The following GRAMD2B variants were observed in gnomAD, a reference collection of about 807,000 sequenced individuals.
GRAMD2B encodes GRAM domain containing 2B, also known as GRAM domain-containing protein 2B.
GRAMD2B carries 41 observed loss-of-function variants against 59.2 expected under a neutral mutation model. The observed-to-expected ratio is 0.69, with a 90% CI of 0.54 to 0.90. The LOEUF is 0.90. Among genes scored for constraint, GRAMD2B ranks in the 40% least tolerant of loss-of-function variants. The pLI, the probability that GRAMD2B is intolerant of heterozygous loss-of-function variation, is 0.00. For synonymous variants in GRAMD2B, 161 were observed against 182.7 expected, an observed-to-expected ratio of 0.88 and a Z score of 0.96; for missense variants, 424 against 500.5, an observed-to-expected ratio of 0.85 and a Z score of 1.46.
chr5:126,467,700 A>G (rs900551433), intron 2 of GRAMD2B: 2 of 152,230 alleles, frequency 1.3e-5, no homozygotes, highest in Non-Finnish European at 2.9e-5. Context: ...ATAGAGAACA[A>G]ATGTTTTTTC....
At chr5:126,487,266 A>G (rs1266897028) in intron 12 of GRAMD2B, among the ~76,000 whole-genome samples, 1 of 152,180 alleles carries the variant, frequency 6.6e-6, no homozygotes, top group Non-Finnish European at 1.5e-5. Context: ...ACCTTGCCCC[A>G]TTTATTAAAC....
chr5:126,480,679 G>T lies in GRAMD2B; in HGVS notation c.707G>T (p.Arg236Leu). 6.2e-7 allele frequency: 1 copy of T among 1,614,044 alleles called. No homozygotes were observed. ...PNPSSAENSF[R>L]ADRPSSLPLD... ...CCATCTTCTGCTGAAAACAGTTTCC[G>T]AGCAGACCGCCCTTCATCTCTGCCT... is the stretch of plus-strand genomic sequence containing the variant. Residue 236 changes from arginine to leucine, a missense_variant, in exon 8 of 14, where the codon CGA (arginine) becomes CTA (leucine). Arg to Leu is a moderately radical substitution (Grantham distance 102). Transcript: ENST00000285689.
chr5:126,464,605 T>C lies in GRAMD2B; in HGVS notation c.84-821T>C, dbSNP rs1006812237. 1.3e-5 allele frequency among the ~76,000 whole-genome samples: 2 copies of C among 152,286 alleles called. 1 individual carries two copies. The highest frequency in any genetic ancestry group is 1.3e-4 in the Admixed American group (2 of 15,294). On this transcript the variant is annotated intron_variant, in intron 1 of 13. Transcript: ENST00000285689. The stretch of plus-strand genomic sequence containing the variant: ...CTCTACTCCCTTCCACCTTCTCTTT[T>C]ACCAAGGTCAGACCTAGTTTTTCCA...
intron 1 of GRAMD2B, among the ~76,000 whole-genome samples, chr5:126,443,603 C>T (rs1408628257): frequency 6.6e-6 from 1 of 152,212 alleles, no homozygotes; most frequent in Non-Finnish European, 1.5e-5. Flanking sequence ...CTGCTCTCCC[C>T]ACAGAGATGT....
rs1393008573 is a variant in GRAMD2B at position 126,488,880 on chromosome 5, G to A, written c.1245G>A (p.Val415=). The A allele has an allele frequency of 4.3e-6, 7 of 1,612,866 alleles. No homozygotes were observed. The highest frequency in any genetic ancestry group is 1.1e-5 in the South Asian group (1 of 91,038). ...VLCQELTANI[V]KLEKIQNNLQ... ...GTCAAGAGCTTACAGCTAACATAGT[G>A]AAATTAGAAAAGGTGACCTATTTCT... Residue 415 remains valine (V), a synonymous_variant, in exon 13 of 14, where the codon GTG becomes GTA. Coordinates refer to ENST00000285689, the MANE Select transcript of GRAMD2B (RefSeq NM_023927.4).
chr5:126,472,209 G>A, intron 3 of GRAMD2B, 29 bp from the exon 4 acceptor site: 4 of 1,555,910 alleles, frequency 2.6e-6, no homozygotes, highest in Non-Finnish European at 3.5e-6. Flanking sequence ...AGTGAGAATG[G>A]TGATGCTTGT....
At chr5:126,374,196 C>A (rs1261200697) in intron 1 of GRAMD2B, among the ~76,000 whole-genome samples, 3 of 152,176 alleles carry the variant, frequency 2.0e-5, no homozygotes, top group Non-Finnish European at 4.4e-5. Flanking sequence ...ATTTGCGCTA[C>A]CACCAGCAGT....
chr5:126,445,824 G>C (rs1359664019), intron 1 of GRAMD2B, among the ~76,000 whole-genome samples: 6 of 152,182 alleles, frequency 3.9e-5, no homozygotes, highest in Admixed American at 3.9e-4. Flanking sequence ...CTTCAAGAGA[G>C]CCGAATCTGA....
At chr5:126,453,002 G>A (rs1029311695) in intron 1 of GRAMD2B, among the ~76,000 whole-genome samples, 1 of 152,106 alleles carries the variant, frequency 6.6e-6, no homozygotes, top group African/African-American at 2.4e-5. Context: ...TAATCAAATA[G>A]ATATCCTCTA....
chr5:126,400,373 TTAA>T (rs1368069563), intron 1 of GRAMD2B, among the ~76,000 whole-genome samples: 4 of 152,148 alleles, frequency 2.6e-5, no homozygotes, highest in Non-Finnish European at 4.4e-5. Context: ...GTTTATGTTA[TTAA>T]TGTCACAATT....
Position 126,472,233 on chromosome 5 carries a change from T to C in GRAMD2B, c.316-5T>C. The C allele has an allele frequency of 6.2e-7, 1 of 1,609,698 alleles. No individual in the cohort carries two copies. Among genetic ancestry groups the C allele is most frequent in the African/African-American group, 1.3e-5 (1 of 74,948 alleles). ...GGTGATGCTTGTATTTTGTTCTCAT[T>C]GTAGTACAAGGCCAATATGCACTTT... On this transcript the variant is annotated splice_region_variant and splice_polypyrimidine_tract_variant and intron_variant, in intron 3 of 13. Transcript: ENST00000285689.
chr5:126,482,584 G>A (rs1236057147), intron 8 of GRAMD2B, among the ~76,000 whole-genome samples: 18 of 152,214 alleles, frequency 1.2e-4, no homozygotes, highest in African/African-American at 4.3e-4. Context: ...CATACTGCCT[G>A]ATATGAGATA....
rs536971315 is a variant in GRAMD2B, at chr5:126,380,295, T to C, written c.125+8728T>C. Among the ~76,000 whole-genome samples the C allele has an allele frequency of 2.0e-5, 3 of 152,328 alleles. No individual in the cohort carries two copies. In the South Asian group the frequency reaches 6.2e-4, roughly 32 times the overall value. The stretch of plus-strand genomic sequence containing the variant: ...CTGTTTTTATACCAGTACCATGCTG[T>C]TTTGGTGACTATGGCTTATGGTATA... On this transcript the variant is annotated intron_variant, in intron 1 of 8. Coordinates refer to the GRAMD2B transcript ENST00000506445.
rs61181985 is a variant in GRAMD2B at position 126,391,319 on chromosome 5, C to CAAAAA, written c.125+19769_125+19773dup. Among the ~76,000 whole-genome samples the CAAAAA allele has an allele frequency of 5.0e-4, 38 of 76,338 alleles. 1 individual carries two copies. Among genetic ancestry groups the CAAAAA allele is most frequent in the African/African-American group, 1.1e-3 (23 of 20,932 alleles). 50.1% of individuals were successfully genotyped at this position (76,338 alleles called of 152,430 possible). ...TGGGCAAGAGAGGGAGACTCCATCTCAAAAAAAAAAAAAAAAAAAAACTTG... is the reference window on the plus strand; with the variant it reads ...TGGGCAAGAGAGGGAGACTCCATCTCAAAAAAAAAAAAAAAAAAAAAAAAAACTTG... On this transcript the variant is annotated intron_variant, in intron 1 of 8. Transcript: ENST00000506445.
upstream of GRAMD2B, among the ~76,000 whole-genome samples, chr5:126,367,550 C>T (rs1754518466): frequency 6.6e-6 from 1 of 152,080 alleles, no homozygotes; most frequent in Non-Finnish European, 1.5e-5. Context: ...TCGAGCCTAG[C>T]ATCAGTAGGC....
chr5:126,443,515 G>A, intron 1 of GRAMD2B, among the ~76,000 whole-genome samples: 1 of 152,146 alleles, frequency 6.6e-6, no homozygotes, highest in East Asian at 1.9e-4. Flanking sequence ...AAAACCCTGA[G>A]GCTTCAGAGT....
At chr5:126,420,525 T>TA (rs1759636094), upstream of GRAMD2B, among the ~76,000 whole-genome samples, 1 of 152,204 alleles carries the variant, frequency 6.6e-6, no homozygotes, top group Non-Finnish European at 1.5e-5. Flanking sequence ...CCTTCTCACT[T>TA]AAAACCACAC....
At chr5:126,371,867 A>G (rs1355947970) in intron 1 of GRAMD2B, among the ~76,000 whole-genome samples, 2 of 152,102 alleles carry the variant, frequency 1.3e-5, no homozygotes, top group Non-Finnish European at 2.9e-5. Flanking sequence ...TTCTTGACTC[A>G]CTCTCAGGTT....
At chr5:126,378,230 GA>G (rs1486784942) in intron 1 of GRAMD2B, among the ~76,000 whole-genome samples, 1 of 151,412 alleles carries the variant, frequency 6.6e-6, no homozygotes, top group Non-Finnish European at 1.5e-5. Flanking sequence ...TTTTTCTAGA[GA>G]AAAAAAACTA....
Sources: gnomAD v4.1 joint callset for allele counts (sites outside exome capture counted in the v4.1 genomes callset) on GRCh38, gnomAD v4.1.1 for gene constraint, MANE v1.5 for transcripts, NCBI Gene and HGNC (gene_info 2026-07-23, HGNC 2026-07-21) for gene names.